Variants in TRIM27 observed in about 807,000 individuals in gnomAD.
TRIM27 encodes the protein tripartite motif containing 27.
In TRIM27, 12 loss-of-function variants were observed where a neutral mutation model predicts 57.6. The ratio of observed to expected loss-of-function variants is 0.21; its 90% CI spans 0.13 to 0.34. The LOEUF (loss-of-function observed/expected upper bound fraction) is 0.34, where lower values mean the gene tolerates loss of function less well. Ranked by LOEUF, TRIM27 falls within the 10% of genes least tolerant of loss-of-function variation. TRIM27 has a pLI of 1.00. For synonymous variants in TRIM27, 266 were observed against 259.0 expected (o/e 1.03, Z -0.26); for missense variants, 403 against 656.8 (o/e 0.61, Z 4.22).
intron 2 of TRIM27, among the ~76,000 whole-genome samples, chr6:28,921,272 C>G (rs1307378362): frequency 6.6e-6 from 1 of 151,768 alleles, no homozygotes; most frequent in Non-Finnish European, 1.5e-5. Flanking sequence ...CCTCAGCTAC[C>G]TGGGAGGCTG....
In TRIM27 at chr6:28,911,510, C is replaced by T. The variant is rs1773210611; in HGVS notation, c.770+186G>A. 3 of 600,394 alleles carry T rather than the reference C, an allele frequency of 5.0e-6. No individual in the cohort carries two copies. The Admixed American group carries it at 1.0e-4, about 20-fold the overall frequency. 37.2% of individuals were successfully genotyped at this position (600,394 alleles called of 1,614,324 possible). ...AGCCTCCCACATGAACCCCCTACTT[C>T]CTGAATTTTACTGAGTAGAGCTGTG... On this transcript the variant is annotated intron_variant, in intron 4 of 7. Coordinates refer to ENST00000377199, the MANE Select transcript of TRIM27 (RefSeq NM_006510.5).
chr6:28,910,808 T>C (rs1773147665), intron 4 of TRIM27, among the ~76,000 whole-genome samples: 1 of 152,134 alleles, frequency 6.6e-6, no homozygotes, highest in African/African-American at 2.4e-5. Flanking sequence ...ATTATTTGCT[T>C]AGGTCATCTG....
intron 3 of TRIM27, among the ~76,000 whole-genome samples, chr6:28,916,353 G>A (rs1773604466): frequency 2.0e-5 from 3 of 151,588 alleles, no homozygotes; most frequent in Non-Finnish European, 4.4e-5. Context: ...AGGAGTTTGA[G>A]ACTAGCCTGA....
At chr6:28,913,255 CA>C (rs66466461) in intron 3 of TRIM27, among the ~76,000 whole-genome samples, 104 of 105,398 alleles carry the variant, frequency 9.9e-4, no homozygotes, top group South Asian at 3.4e-3. Flanking sequence ...AACTCCATCT[CA>C]AAAAAAAAAA....
At chr6:28,911,865 T>G in intron 3 of TRIM27, 147 bp from the exon 4 acceptor site, 1 of 756,034 alleles carries the variant, frequency 1.3e-6, no homozygotes, top group Non-Finnish European at 2.2e-6. Flanking sequence ...AACTCAGTGT[T>G]GAGGAGCTAA....
Position 28,904,878 on chromosome 6 carries a change from G to A in TRIM27, c.947-213C>T, listed in dbSNP as rs893727347. The A allele has an allele frequency of 3.6e-5, 20 of 555,446 alleles. No individual in the cohort carries two copies. The highest frequency in any genetic ancestry group is 9.4e-5 in the Admixed American group (3 of 31,942). 34.4% of individuals were successfully genotyped at this position (555,446 alleles called of 1,614,324 possible). ...TCTGAAAATACAGAATTTTAGCCCC[G>A]TATCTTTTCTTTCACATCTGAAGCC... On this transcript the variant is annotated intron_variant, in intron 7 of 7. Transcript: ENST00000377199. The surrounding 1 kb of genome is among the most constrained non-coding windows in gnomAD (Gnocchi z 6.1).
At chr6:28,913,505 T>TTTTG (rs1459335495) in intron 3 of TRIM27, among the ~76,000 whole-genome samples, 1 of 151,772 alleles carries the variant, frequency 6.6e-6, no homozygotes, top group Non-Finnish European at 1.5e-5. Context: ...ACACATACAG[T>TTTTG]TTTGTTAAAT....
At chr6:28,919,871 G>A (rs773627771) in intron 3 of TRIM27, 141 bp downstream of exon 3, 94 of 710,256 alleles carry the variant, frequency 1.3e-4, no homozygotes, top group Non-Finnish European at 1.7e-4. Flanking sequence ...TCCTTCCAAG[G>A]TGCACAATAT....
At chr6:28,922,136 T>G in intron 1 of TRIM27, 149 bp from the exon 2 acceptor site, 1 of 623,920 alleles carries the variant, frequency 1.6e-6, no homozygotes, top group Non-Finnish European at 2.8e-6. Flanking sequence ...CACAAGAGAC[T>G]CAGGGCGCAG....
chr6:28,911,286 T>C, intron 4 of TRIM27: 1 of 163,426 alleles, frequency 6.1e-6, no homozygotes, highest in Non-Finnish European at 1.3e-5. Flanking sequence ...CATCAGTAAT[T>C]ATGTAAATGC....
chr6:28,909,946 C>T (rs1427578588), intron 4 of TRIM27, among the ~76,000 whole-genome samples: 3 of 151,948 alleles, frequency 2.0e-5, no homozygotes, highest in Admixed American at 1.3e-4. Context: ...AGAAGTAAGA[C>T]GTATCTCATG....
chr6:28,918,983 T>C (rs1363840573), intron 3 of TRIM27, among the ~76,000 whole-genome samples: 1 of 152,140 alleles, frequency 6.6e-6, no homozygotes, highest in East Asian at 1.9e-4. Context: ...CCTTGCCCTA[T>C]GCCATCATCC....
intron 6 of TRIM27, 29 bp downstream of exon 6, chr6:28,908,779 T>A: frequency 6.2e-7 from 1 of 1,612,174 alleles, no homozygotes; most frequent in African/African-American, 1.3e-5. Flanking sequence ...CAACTTTACA[T>A]CAAAAGCCCA....
chr6:28,904,734 T>C lies in TRIM27; in HGVS notation c.947-69A>G. ...CCTATTTTAGAACACCCAGCGCCTT[T>C]CTACTACCTCCCCAATAATAAGAGG... is the stretch of plus-strand genomic sequence containing the variant. On this transcript the variant is annotated intron_variant, in intron 7 of 7. Transcript: ENST00000377199. This position sits in a 1 kb window ranked among gnomAD's most constrained non-coding sequence, Gnocchi z 6.1. The C allele has an allele frequency of 8.9e-7, 1 of 1,129,456 alleles. No homozygotes were observed. The highest frequency in any genetic ancestry group is 1.2e-6 in the Non-Finnish European group (1 of 807,794). The allele number at this position is 1,129,456 out of a possible 1,614,324, so 70.0% of individuals were successfully genotyped here.
At chr6:28,908,731 C>T (rs1772959716) in intron 6 of TRIM27, 77 bp downstream of exon 6, 6 of 1,440,300 alleles carry the variant, frequency 4.2e-6, no homozygotes, top group Non-Finnish European at 5.8e-6. Flanking sequence ...CCTTATCCCA[C>T]GTTTCCCACT....
intron 3 of TRIM27, among the ~76,000 whole-genome samples, chr6:28,913,822 A>G (rs1773398539): frequency 6.6e-6 from 1 of 151,924 alleles, no homozygotes; most frequent in Non-Finnish European, 1.5e-5. Context: ...GTCTTTTTAT[A>G]TTAGAACTAT....
intron 6 of TRIM27, chr6:28,907,486 A>G: frequency 1.4e-6 from 1 of 706,216 alleles, no homozygotes; most frequent in Non-Finnish European, 2.6e-6. Context: ...AGGGATAACC[A>G]CATGCCTGAG....
At chr6:28,914,736 ACTTGCTTTCCCTGTCT>A (rs1412924165) in intron 3 of TRIM27, 2 of 152,096 alleles carry the variant, frequency 1.3e-5, no homozygotes, top group Non-Finnish European at 1.5e-5. Context: ...GTGAAGGACA[ACTTGCTTTCCCTGTCT>A]TATCAAAGAA....
chr6:28,920,661 T>C (rs1773954549), intron 2 of TRIM27, among the ~76,000 whole-genome samples: 1 of 150,272 alleles, frequency 6.7e-6, no homozygotes, highest in Non-Finnish European at 1.5e-5. Flanking sequence ...GGCAAAAGAG[T>C]GGGGAGAGAA....
Sources: gnomAD v4.1 joint callset for allele counts (sites outside exome capture counted in the v4.1 genomes callset) on GRCh38, gnomAD v4.1.1 for gene constraint, Gnocchi (gnomAD v3.1) non-coding constraint, MANE v1.5 for transcripts, NCBI Gene and HGNC (gene_info 2026-07-23, HGNC 2026-07-21) for gene names.